CFAP299: variants seen among roughly 807,000 people sequenced by gnomAD.
The protein encoded by CFAP299 is cilia- and flagella-associated protein 299.
Under a neutral mutation model 27.0 loss-of-function variants are expected in CFAP299, and 21 were observed. The ratio of observed to expected loss-of-function variants is 0.78; its 90% CI spans 0.55 to 1.12. The LOEUF (loss-of-function observed/expected upper bound fraction) is 1.12, where lower values mean the gene tolerates loss of function less well. Among genes scored for constraint, CFAP299 ranks in the 50% most tolerant of loss-of-function variants. The pLI, the probability that CFAP299 is intolerant of heterozygous loss-of-function variation, is 0.00. For missense variants in CFAP299, 310 were observed against 276.6 expected (o/e 1.12, Z -0.86); for synonymous variants, 104 against 98.1 (o/e 1.06, Z -0.36).
chr4:80,723,252 CA>C (rs746041218), intron 3 of CFAP299, among the ~76,000 whole-genome samples: 10 of 152,000 alleles, frequency 6.6e-5, no homozygotes, highest in South Asian at 2.1e-4. Flanking sequence ...CCTAGTTACC[CA>C]ACAGAAATAA....
intron 3 of CFAP299, among the ~76,000 whole-genome samples, chr4:80,732,723 T>C (rs1723610995): frequency 1.3e-5 from 2 of 152,284 alleles, no homozygotes; most frequent in African/African-American, 2.4e-5. Context: ...TCTACATTCT[T>C]TTCTGTATTT....
In CFAP299 at chr4:80,512,390, A is replaced by G. The variant is rs151019189; in HGVS notation, c.243-70703A>G. The stretch of plus-strand genomic sequence containing the variant: ...GAGTGTCTTGTAAAAGAAAAATTGC[A>G]CCTAACTTTTACAAAATAACTCATG... On this transcript the variant is annotated intron_variant, in intron 2 of 5. Transcript: ENST00000358105. 9.2e-5 allele frequency among the ~76,000 whole-genome samples: 14 copies of G among 152,222 alleles called. No homozygotes were observed. In the East Asian group the frequency reaches 2.7e-3, roughly 29 times the overall value.
intron 4 of CFAP299, among the ~76,000 whole-genome samples, chr4:80,914,992 T>C (rs932878585): frequency 6.6e-6 from 1 of 152,004 alleles, no homozygotes; most frequent in Non-Finnish European, 1.5e-5. Context: ...TATTATTTTA[T>C]TTTTTTCTTA....
chr4:80,494,807 A>G (rs1475978670), intron 2 of CFAP299, among the ~76,000 whole-genome samples: 1 of 152,210 alleles, frequency 6.6e-6, no homozygotes, highest in East Asian at 1.9e-4. Flanking sequence ...TTCTGATACA[A>G]GTTACTTATT....
chr4:80,505,070 A>G (rs958767264), intron 2 of CFAP299, among the ~76,000 whole-genome samples: 1 of 149,864 alleles, frequency 6.7e-6, no homozygotes, highest in Non-Finnish European at 1.5e-5. Context: ...GTATATATCT[A>G]TATATGACAG....
At chr4:80,667,828 AT>A (rs1479638667) in intron 3 of CFAP299, among the ~76,000 whole-genome samples, 1 of 151,994 alleles carries the variant, frequency 6.6e-6, no homozygotes, top group African/African-American at 2.4e-5. Flanking sequence ...TTTATTTTTG[AT>A]GTATACTCAG....
In CFAP299 at chr4:80,755,634, G is replaced by C. The variant is rs1560735329; in HGVS notation, c.334-114359G>C. Among the ~76,000 whole-genome samples the C allele has an allele frequency of 2.6e-5, 4 of 152,106 alleles. No homozygotes were observed. The South Asian group carries it at 8.3e-4, about 31-fold the overall frequency. ...ATCCAATTAATGGTAAATCCTAGAT[G>C]AATCTTCGTCACTGCTTAAGAAACT... is the stretch of plus-strand genomic sequence containing the variant. On this transcript the variant is annotated intron_variant, in intron 3 of 5. Coordinates refer to ENST00000358105, the MANE Select transcript of CFAP299 (RefSeq NM_152770.3).
At chr4:80,666,632 T>C (rs1741153538) in intron 3 of CFAP299, among the ~76,000 whole-genome samples, 1 of 152,206 alleles carries the variant, frequency 6.6e-6, no homozygotes, top group African/African-American at 2.4e-5. Flanking sequence ...CTATAGCAGA[T>C]TGACTCATTC....
intron 3 of CFAP299, among the ~76,000 whole-genome samples, chr4:80,861,045 GAGCTGTGGTGGGCTCCAACC>G (rs1732310277): frequency 6.6e-6 from 1 of 152,216 alleles, no homozygotes; most frequent in African/African-American, 2.4e-5. Context: ...AGGCCTCCTT[GAGCTGTGGTGGGCTCCAACC>G]AGTTGGAGCT....
chr4:80,398,059 C>T (rs1362167984), intron 2 of CFAP299, among the ~76,000 whole-genome samples: 1 of 152,048 alleles, frequency 6.6e-6, no homozygotes, highest in East Asian at 1.9e-4. Flanking sequence ...AAACAGAGAG[C>T]CAAATCATTT....
rs1186929631 is a variant in CFAP299 at position 80,347,400 on chromosome 4, C to T, written c.111+11521C>T. Among the ~76,000 whole-genome samples the T allele has an allele frequency of 9.9e-5, 15 of 151,620 alleles. 1 individual carries two copies. Among genetic ancestry groups the T allele is most frequent in the Admixed American group, 9.9e-4 (15 of 15,194 alleles). On this transcript the variant is annotated intron_variant, in intron 1 of 5. Coordinates refer to ENST00000358105, the MANE Select transcript of CFAP299 (RefSeq NM_152770.3). ...GTATTTTCCCATTCAGTACAGCCCA[C>T]AGTTTCTTAAGCTGATATGCAACTT...
intron 3 of CFAP299, among the ~76,000 whole-genome samples, chr4:80,779,229 ACT>A (rs1340773060): frequency 2.0e-5 from 3 of 152,056 alleles, no homozygotes; most frequent in Non-Finnish European, 4.4e-5. Flanking sequence ...TCTATGCTGC[ACT>A]CTCTGACAAA....
intron 2 of CFAP299, among the ~76,000 whole-genome samples, chr4:80,390,817 ATATATG>A (rs199672602): frequency 0.042 from 6,033 of 143,576 alleles, 354 homozygotes; most frequent in East Asian, 0.24. Flanking sequence ...GTATACACAC[ATATATG>A]TATATGTATA....
intron 3 of CFAP299, among the ~76,000 whole-genome samples, chr4:80,767,218 CAA>C (rs1327523460): frequency 6.6e-6 from 1 of 151,912 alleles, no homozygotes; most frequent in African/African-American, 2.4e-5. Context: ...ATAAATTAGA[CAA>C]AGAGGTTAAT....
chr4:80,556,122 A>C (rs1308367451), intron 2 of CFAP299, among the ~76,000 whole-genome samples: 1 of 152,086 alleles, frequency 6.6e-6, no homozygotes, highest in Admixed American at 6.6e-5. Context: ...ATTCTACTTC[A>C]TATTGGGTTA....
At chr4:80,757,890 C>G (rs1156988893) in intron 3 of CFAP299, among the ~76,000 whole-genome samples, 1 of 152,142 alleles carries the variant, frequency 6.6e-6, no homozygotes, top group East Asian at 1.9e-4. Flanking sequence ...TCACTGGAAC[C>G]TGCTGTGTTC....
At chr4:80,905,404 C>A (rs1320675799) in intron 4 of CFAP299, among the ~76,000 whole-genome samples, 1 of 152,132 alleles carries the variant, frequency 6.6e-6, no homozygotes, top group Non-Finnish European at 1.5e-5. Context: ...TCAACGTAGA[C>A]TACAGGGCTG....
At chr4:80,955,034 AC>A (rs869042834) in intron 5 of CFAP299, among the ~76,000 whole-genome samples, 242 of 17,272 alleles carry the variant, frequency 0.014, 67 homozygotes, top group East Asian at 0.03. Flanking sequence ...AAAAAAAAAA[AC>A]GCACACATGG....
intron 2 of CFAP299, among the ~76,000 whole-genome samples, chr4:80,566,858 C>G (rs751408419): frequency 1.3e-5 from 2 of 152,034 alleles, no homozygotes; most frequent in African/African-American, 2.4e-5. Context: ...CAAAGAACAT[C>G]TATTTCCTCT....
Sources: gnomAD v4.1 joint callset for allele counts (sites outside exome capture counted in the v4.1 genomes callset) on GRCh38, gnomAD v4.1.1 for gene constraint, MANE v1.5 for transcripts, NCBI Gene and HGNC (gene_info 2026-07-23, HGNC 2026-07-21) for gene names.